The following CNTNAP2 variants were observed in gnomAD, a reference collection of about 807,000 sequenced individuals.
The protein encoded by CNTNAP2 is contactin-associated protein-like 2.
A neutral mutation model predicts 155.2 loss-of-function variants in CNTNAP2; 98 were observed. The observed-to-expected ratio is 0.63, with a 90% CI of 0.54 to 0.75. The LOEUF is 0.75. Among genes scored for constraint, CNTNAP2 ranks in the 30% least tolerant of loss-of-function variants. The probability of loss-of-function intolerance (pLI) is 0.00; values close to 1 mark genes in which losing one functional copy is unlikely to be tolerated. For missense variants in CNTNAP2, 1,727 were observed against 1,688.1 expected (o/e 1.02, Z -0.40); for synonymous variants, 651 against 631.2 (o/e 1.03, Z -0.47).
intron 8 of CNTNAP2, among the ~76,000 whole-genome samples, chr7:147,239,709 A>C (rs892004409): frequency 6.6e-6 from 1 of 152,194 alleles, no homozygotes; most frequent in Non-Finnish European, 1.5e-5. Context: ...GAAGTTAAAC[A>C]GAACAAAACA....
At chr7:146,459,358 C>A (rs1796603922) in intron 1 of CNTNAP2, among the ~76,000 whole-genome samples, 1 of 152,142 alleles carries the variant, frequency 6.6e-6, no homozygotes, top group South Asian at 2.1e-4. Context: ...ATTAGCTCAG[C>A]AGGTATTACC....
At chr7:146,441,915 A>C (rs1796326018) in intron 1 of CNTNAP2, among the ~76,000 whole-genome samples, 1 of 151,606 alleles carries the variant, frequency 6.6e-6, no homozygotes, top group South Asian at 2.1e-4. Flanking sequence ...AAAGATATTA[A>C]TTTTTTGTAT....
intron 10 of CNTNAP2, among the ~76,000 whole-genome samples, chr7:147,484,135 C>A (rs1798471663): frequency 6.6e-6 from 1 of 152,008 alleles, no homozygotes; most frequent in African/African-American, 2.4e-5. Context: ...GAATCAGATC[C>A]CCACCCCACC....
At chr7:147,899,613 G>A (rs951286248) in intron 13 of CNTNAP2, among the ~76,000 whole-genome samples, 2 of 152,048 alleles carry the variant, frequency 1.3e-5, no homozygotes, top group African/African-American at 4.8e-5. Context: ...AGTCAGACGG[G>A]TTGGCTCCCA....
chr7:148,273,423 T>A (rs545217186), intron 21 of CNTNAP2, among the ~76,000 whole-genome samples: 1 of 152,364 alleles, frequency 6.6e-6, no homozygotes, highest in East Asian at 1.9e-4. Context: ...ACCACATCAC[T>A]GTGAGTTGTG....
At chr7:146,163,513 ATATC>A (rs1798259589) in intron 1 of CNTNAP2, among the ~76,000 whole-genome samples, 1 of 53,172 alleles carries the variant, frequency 1.9e-5, no homozygotes, top group Non-Finnish European at 4.3e-5. Context: ...ATATCTATAT[ATATC>A]TATATATATC....
chr7:147,678,920 T>A (rs1795909072), intron 13 of CNTNAP2, among the ~76,000 whole-genome samples: 1 of 151,886 alleles, frequency 6.6e-6, no homozygotes, highest in South Asian at 2.1e-4. Context: ...ATTTGAAACT[T>A]TTCTTCAGAA....
chr7:147,046,238 C>T (rs1445380197), intron 4 of CNTNAP2, among the ~76,000 whole-genome samples: 2 of 152,160 alleles, frequency 1.3e-5, no homozygotes, highest in African/African-American at 4.8e-5. Context: ...ATCATGTCAA[C>T]ACCCCGCAAC....
At chr7:148,169,887 G>A (rs1318528655) in intron 17 of CNTNAP2, among the ~76,000 whole-genome samples, 1 of 152,054 alleles carries the variant, frequency 6.6e-6, no homozygotes, top group Non-Finnish European at 1.5e-5. Context: ...TTGAACCCGG[G>A]AGGCGGAGGT....
chr7:146,469,518 CTTTTTTTT>C (rs544057518), intron 1 of CNTNAP2, among the ~76,000 whole-genome samples: 3,858 of 129,068 alleles, frequency 0.03, 64 homozygotes, highest in Middle Eastern at 0.06. Flanking sequence ...TAATAATTGA[CTTTTTTTT>C]TTTTTTTTTT....
chr7:148,295,823 T>C (rs1317916259), intron 21 of CNTNAP2, among the ~76,000 whole-genome samples: 7 of 149,160 alleles, frequency 4.7e-5, no homozygotes, highest in Admixed American at 4.6e-4. Flanking sequence ...CAAAAGAGGA[T>C]AAAAGAGGAG....
chr7:147,932,023 C>A (rs1046187793), intron 14 of CNTNAP2, among the ~76,000 whole-genome samples: 2 of 152,094 alleles, frequency 1.3e-5, no homozygotes, highest in Admixed American at 1.3e-4. Context: ...GTAACTGGAA[C>A]TACAGGTGCA....
chr7:146,872,239 A>G (rs909526024), intron 3 of CNTNAP2, among the ~76,000 whole-genome samples: 1 of 149,302 alleles, frequency 6.7e-6, no homozygotes, highest in Non-Finnish European at 1.5e-5. Flanking sequence ...ATGAAAACAG[A>G]TATCACAAGA....
chr7:146,773,039 G>A (rs556686701), intron 1 of CNTNAP2, among the ~76,000 whole-genome samples: 84 of 152,178 alleles, frequency 5.5e-4, no homozygotes, highest in African/African-American at 2.0e-3. Flanking sequence ...GTAGGATTTG[G>A]AACATCCCAG....
intron 20 of CNTNAP2, among the ~76,000 whole-genome samples, chr7:148,262,275 T>C (rs1302281403): frequency 6.6e-6 from 1 of 152,208 alleles, no homozygotes; most frequent in Non-Finnish European, 1.5e-5. Flanking sequence ...ACGTTGTTAT[T>C]GAAGAAATTG....
chr7:147,757,671 C>T (rs1026828089), intron 13 of CNTNAP2, among the ~76,000 whole-genome samples: 1 of 151,968 alleles, frequency 6.6e-6, no homozygotes, highest in Non-Finnish European at 1.5e-5. Flanking sequence ...TCTCAGTTGG[C>T]TCTTGTGTTT....
At chr7:148,282,646 A>G (rs2116463865) in intron 21 of CNTNAP2, among the ~76,000 whole-genome samples, 1 of 152,288 alleles carries the variant, frequency 6.6e-6, no homozygotes, top group African/African-American at 2.4e-5. Flanking sequence ...AGAACACTCA[A>G]ACAATGAAAA....
intron 2 of CNTNAP2, among the ~76,000 whole-genome samples, chr7:146,796,123 T>C (rs541945336): frequency 6.6e-6 from 1 of 152,330 alleles, no homozygotes; most frequent in South Asian, 2.1e-4. Flanking sequence ...GCATATATGA[T>C]AAAACCAGAA....
intron 10 of CNTNAP2, among the ~76,000 whole-genome samples, chr7:147,441,398 G>T (rs1266221709): frequency 6.6e-6 from 1 of 151,894 alleles, no homozygotes; most frequent in Non-Finnish European, 1.5e-5. Flanking sequence ...TCCTCAAAAC[G>T]GCTATTTGTG....
Sources: allele counts gnomAD v4.1 joint callset (sites outside exome capture counted in the v4.1 genomes callset), GRCh38; gene constraint gnomAD v4.1.1; transcripts MANE v1.5; gene names NCBI Gene and HGNC (gene_info 2026-07-23, HGNC 2026-07-21).